Variants in BBS9 observed in about 807,000 individuals in gnomAD.
The protein encoded by BBS9 is protein PTHB1.
Under a neutral mutation model 117.7 loss-of-function variants are expected in BBS9, and 89 were observed. The ratio of observed to expected loss-of-function variants is 0.76; its 90% CI spans 0.64 to 0.90. The LOEUF is 0.90. Among genes scored for constraint, BBS9 ranks in the 40% least tolerant of loss-of-function variants. The pLI, the probability that BBS9 is intolerant of heterozygous loss-of-function variation, is 0.00. For synonymous variants in BBS9, 379 were observed against 370.9 expected (o/e 1.02, Z -0.25); for missense variants, 982 against 1,042.2 (o/e 0.94, Z 0.80).
intron 1 of BBS9, among the ~76,000 whole-genome samples, chr7:33,139,349 G>T (rs1330116346): frequency 6.6e-6 from 1 of 151,104 alleles, no homozygotes; most frequent in East Asian, 2.2e-4. Flanking sequence ...TTGTTGGAAA[G>T]TTCTTTCATA....
Position 33,489,821 on chromosome 7 carries a change from G to A in BBS9, c.2116-15642G>A, listed in dbSNP as rs962609512. ...CACTCATGAACGCTTCCACTATGAA[G>A]ATGGTATTCTATCCCCAGAATTAAA... On this transcript the variant is annotated intron_variant, in intron 19 of 22. Transcript: ENST00000242067. Among the ~76,000 whole-genome samples the A allele has an allele frequency of 2.6e-4, 40 of 152,226 alleles. 1 individual carries two copies. Among genetic ancestry groups the A allele is most frequent in the African/African-American group, 8.7e-4 (36 of 41,550 alleles).
chr7:33,351,717 A>G (rs1818682420), intron 14 of BBS9, among the ~76,000 whole-genome samples: 1 of 152,164 alleles, frequency 6.6e-6, no homozygotes, highest in Admixed American at 6.5e-5. Context: ...GGACACAGTG[A>G]GTGAGGAGGG....
chr7:33,574,637 T>G (rs965048588), intron 21 of BBS9, among the ~76,000 whole-genome samples: 1 of 150,110 alleles, frequency 6.7e-6, no homozygotes, highest in Non-Finnish European at 1.5e-5. Context: ...TAGAAATTTC[T>G]GATACAGGGA....
chr7:33,556,149 A>G (rs1855255347), intron 21 of BBS9, among the ~76,000 whole-genome samples: 1 of 152,216 alleles, frequency 6.6e-6, no homozygotes, highest in African/African-American at 2.4e-5. Flanking sequence ...TTCATCATCT[A>G]CAAAAATTTA....
rs1819854507 is a variant in BBS9, at chr7:33,357,681, G to A, written c.1553-174G>A. ...TTTTGCCTTGTACCTTTTGAAAATA[G>A]TAATGAAATATGAATCATGATAATA... On this transcript the variant is annotated intron_variant, in intron 15 of 22. Coordinates refer to ENST00000242067, the MANE Select transcript of BBS9 (RefSeq NM_198428.3). 1.1e-5 allele frequency: 8 copies of A among 730,076 alleles called. No individual in the cohort carries two copies. The South Asian group carries it at 1.2e-4, about 11-fold the overall frequency. 45.2% of individuals were successfully genotyped at this position (730,076 alleles called of 1,614,324 possible).
intron 21 of BBS9, among the ~76,000 whole-genome samples, chr7:33,544,449 G>A (rs1852943362): frequency 6.6e-6 from 1 of 152,174 alleles, no homozygotes; most frequent in Non-Finnish European, 1.5e-5. Flanking sequence ...GAACTATAGT[G>A]ATTGTTGTTT....
intron 2 of BBS9, among the ~76,000 whole-genome samples, chr7:33,146,599 T>A (rs1271913085): frequency 4.7e-5 from 7 of 149,552 alleles, no homozygotes; most frequent in Non-Finnish European, 8.8e-5. Flanking sequence ...CCTGGGAGGC[T>A]GAGGCAGGAG....
chr7:33,524,419 A>T (rs1375382435), intron 20 of BBS9, among the ~76,000 whole-genome samples: 1 of 152,132 alleles, frequency 6.6e-6, no homozygotes, highest in Non-Finnish European at 1.5e-5. Flanking sequence ...TATTGCCACA[A>T]TTTCAGCTCC....
At chr7:33,274,686 T>C (rs767993076) in intron 9 of BBS9, among the ~76,000 whole-genome samples, 1 of 152,120 alleles carries the variant, frequency 6.6e-6, no homozygotes, top group Non-Finnish European at 1.5e-5. Flanking sequence ...TTTATAATAT[T>C]TTATTGAGCA....
Position 33,336,451 on chromosome 7 carries a change from G to T in BBS9, c.1027G>T (p.Gly343Ter). The change falls in exon 10 of 23, where the codon GGA (glycine) becomes TGA (stop). Residue 343 changes from glycine (G) to a stop codon, truncating the protein, a stop_gained. Transcript: ENST00000242067. LOFTEE classifies it high-confidence loss of function. The part of the protein sequence containing the change: ...VRVGCLHDLK[G>*]VIVTLSDDGH... ...TCTTCCTTATTGTAGTGATTTAAAG[G>T]GAGTGATAGTCACTCTGAGTGATGA... is the stretch of plus-strand genomic sequence containing the variant. 5 of 1,613,044 alleles carry T rather than the reference G, an allele frequency of 3.1e-6. No homozygotes were observed. In the South Asian group the frequency reaches 5.5e-5, roughly 18 times the overall value.
At chr7:33,377,529 T>G (rs1824123940) in intron 17 of BBS9, among the ~76,000 whole-genome samples, 1 of 152,188 alleles carries the variant, frequency 6.6e-6, no homozygotes, top group Admixed American at 6.5e-5. Flanking sequence ...CATGTGGATT[T>G]TAAAATAATT....
chr7:33,243,522 T>C (rs992977830), intron 5 of BBS9, among the ~76,000 whole-genome samples: 4 of 152,224 alleles, frequency 2.6e-5, no homozygotes, highest in Non-Finnish European at 4.4e-5. Flanking sequence ...TTTGTCTCAC[T>C]TTTTGATTCC....
intron 19 of BBS9, among the ~76,000 whole-genome samples, chr7:33,449,938 A>T (rs1837548385): frequency 6.6e-6 from 1 of 152,178 alleles, no homozygotes. Flanking sequence ...TGTCCACCAC[A>T]TATACATTGT....
intron 5 of BBS9, among the ~76,000 whole-genome samples, chr7:33,183,480 T>G (rs1206684817): frequency 6.6e-6 from 1 of 152,200 alleles, no homozygotes; most frequent in African/African-American, 2.4e-5. Flanking sequence ...AAATTCCTTA[T>G]AAACCTCTTA....
At chr7:33,307,177 C>T (rs181121510) in intron 9 of BBS9, among the ~76,000 whole-genome samples, 1 of 152,040 alleles carries the variant, frequency 6.6e-6, no homozygotes, top group Non-Finnish European at 1.5e-5. Context: ...TATACAGTAA[C>T]AAAAATAAGA....
At chr7:33,623,440 A>T (rs981072748) in intron 21 of BBS9, among the ~76,000 whole-genome samples, 1 of 152,204 alleles carries the variant, frequency 6.6e-6, no homozygotes, top group African/African-American at 2.4e-5. Context: ...CTGTTGGCTC[A>T]GCTCAACTGT....
intron 21 of BBS9, among the ~76,000 whole-genome samples, chr7:33,634,920 C>T (rs940767475): frequency 1.3e-5 from 2 of 152,222 alleles, no homozygotes; most frequent in Admixed American, 1.3e-4. Context: ...GCAGTGGACT[C>T]CTCACACATC....
intron 9 of BBS9, among the ~76,000 whole-genome samples, chr7:33,310,816 A>C (rs1262416865): frequency 2.0e-5 from 3 of 152,212 alleles, no homozygotes; most frequent in Non-Finnish European, 4.4e-5. Context: ...TTTTGCATTT[A>C]ATTAATTCAG....
intron 19 of BBS9, among the ~76,000 whole-genome samples, chr7:33,498,798 T>G (rs928110449): frequency 1.3e-5 from 2 of 152,216 alleles, no homozygotes; most frequent in East Asian, 3.8e-4. Flanking sequence ...TTTTTGGCTA[T>G]TATAAGTAAT....
Sources: allele counts gnomAD v4.1 joint callset (sites outside exome capture counted in the v4.1 genomes callset), GRCh38; gene constraint gnomAD v4.1.1; transcripts MANE v1.5; gene names NCBI Gene and HGNC (gene_info 2026-07-23, HGNC 2026-07-21).